Variants in PRLR observed in about 807,000 individuals in gnomAD.
PRLR encodes prolactin receptor.
PRLR carries 13 observed loss-of-function variants against 40.2 expected under a neutral mutation model. The observed-to-expected ratio is 0.32, with a 90% confidence interval of 0.21 to 0.51. The LOEUF is 0.51. PRLR is among the 20% of genes least tolerant of loss of function. PRLR has a pLI of 0.97. For synonymous variants in PRLR, 269 were observed against 278.7 expected (o/e 0.97, Z 0.35); for missense variants, 656 against 747.3 (o/e 0.88, Z 1.42).
chr5:35,156,966 C>T lies in PRLR; in HGVS notation c.-105-38844G>A, dbSNP rs189924998. On this transcript the variant is annotated intron_variant, in intron 1 of 9. Coordinates refer to ENST00000618457, the MANE Select transcript of PRLR (RefSeq NM_000949.7). Reference sequence around the variant, plus strand: ...CTATACTATTTCTCCCAGGATGTCTCGTTGCATCCTTAATTTAGCTCCTAA... The same window carrying T: ...CTATACTATTTCTCCCAGGATGTCTTGTTGCATCCTTAATTTAGCTCCTAA... Among the ~76,000 whole-genome samples, 12 of 152,104 alleles carry T rather than the reference C, an allele frequency of 7.9e-5. No homozygotes were observed. The East Asian group carries it at 9.9e-4, about 12-fold the overall frequency.
At chr5:35,157,257 A>T (rs1009728197) in intron 1 of PRLR, among the ~76,000 whole-genome samples, 20 of 152,114 alleles carry the variant, frequency 1.3e-4, no homozygotes, top group Non-Finnish European at 2.6e-4. Flanking sequence ...TGAAATATGC[A>T]CTTCTTACCA....
chr5:35,049,053 G>A (rs1206635897), exon 9 of PRLR: 2 of 629,082 alleles, frequency 3.2e-6, no homozygotes, highest in Non-Finnish European at 5.9e-6. Flanking sequence ...GAGGGAGTAT[G>A]TTACATTCAA....
At position 35,075,931 on chromosome 5, in the gene PRLR, T is replaced by C. The variant is rs1770063014; in HGVS notation, c.374-3187A>G. On this transcript the variant is annotated intron_variant, in intron 5 of 9. Coordinates refer to ENST00000618457, the MANE Select transcript of PRLR (RefSeq NM_000949.7). ...TGGTGATACCCAGGCAAACAGGGTC[T>C]GGAGTGGACCTCCAACAAACTCCAA... Among the ~76,000 whole-genome samples, 3 of 152,332 alleles carry C rather than the reference T, an allele frequency of 2.0e-5. No homozygotes were observed. The South Asian group carries it at 6.2e-4, about 32-fold the overall frequency.
At chr5:35,167,763 G>T (rs1435445500) in intron 1 of PRLR, among the ~76,000 whole-genome samples, 2 of 151,992 alleles carry the variant, frequency 1.3e-5, no homozygotes, top group Non-Finnish European at 1.5e-5. Flanking sequence ...TAATCCCTGG[G>T]TTAGCACTAG....
chr5:35,077,603 T>C (rs1252694927), intron 5 of PRLR, among the ~76,000 whole-genome samples: 1 of 152,148 alleles, frequency 6.6e-6, no homozygotes, highest in African/African-American at 2.4e-5. Flanking sequence ...ACAATAATAA[T>C]GGGAGACTTT....
chr5:35,107,772 T>A (rs1466951901), intron 2 of PRLR, among the ~76,000 whole-genome samples: 2 of 152,112 alleles, frequency 1.3e-5, no homozygotes, highest in Non-Finnish European at 2.9e-5. Context: ...AGCAGACGGA[T>A]TCACAGCCGA....
chr5:35,105,800 C>T (rs1333402821), intron 2 of PRLR, among the ~76,000 whole-genome samples: 4 of 152,232 alleles, frequency 2.6e-5, no homozygotes, highest in African/African-American at 4.8e-5. Context: ...GGAAAACACT[C>T]TGCAGGATAT....
downstream of PRLR, among the ~76,000 whole-genome samples, chr5:35,055,407 G>GA (rs556551924): frequency 3.3e-4 from 50 of 152,074 alleles, no homozygotes; most frequent in Non-Finnish European, 6.8e-4. Flanking sequence ...AAAGACTGGG[G>GA]AAATGTGTGT....
chr5:35,053,711 G>A (rs1457350405), downstream of PRLR, among the ~76,000 whole-genome samples: 1 of 152,152 alleles, frequency 6.6e-6, no homozygotes, highest in Admixed American at 6.5e-5. Flanking sequence ...TCAAGATTAG[G>A]AGGCACAATA....
At chr5:35,198,520 C>T (rs1775797055) in intron 1 of PRLR, among the ~76,000 whole-genome samples, 1 of 152,200 alleles carries the variant, frequency 6.6e-6, no homozygotes, top group Non-Finnish European at 1.5e-5. Flanking sequence ...CTTTGCCTCT[C>T]TCTTTCCTCA....
intron 6 of PRLR, among the ~76,000 whole-genome samples, chr5:35,071,549 G>A (rs1336415332): frequency 6.6e-6 from 1 of 152,016 alleles, no homozygotes; most frequent in African/African-American, 2.4e-5. Flanking sequence ...TGTACCACCT[G>A]CAATTTAATA....
In PRLR at chr5:35,068,857, G is replaced by A; in HGVS notation, c.707C>T (p.Thr236Ile). The A allele has an allele frequency of 6.2e-7, 1 of 1,612,254 alleles. No individual in the cohort carries two copies. Among genetic ancestry groups the A allele is most frequent in the Non-Finnish European group, 8.5e-7 (1 of 1,178,454 alleles). ...AAGGACAGCCACAGAGATCCACACG[G>A]TTGTATCATTCATGGTGAAGTCTAA... ...IPSDFTMNDT[T>I]VWISVAVLSA... The change falls in exon 8 of 10, where the codon ACC becomes ATC. Residue 236 changes from threonine to isoleucine, a missense_variant. Coordinates refer to ENST00000618457, the MANE Select transcript of PRLR (RefSeq NM_000949.7).
intron 1 of PRLR, among the ~76,000 whole-genome samples, chr5:35,211,112 G>C (rs1020568732): frequency 1.3e-5 from 2 of 152,104 alleles, no homozygotes; most frequent in Non-Finnish European, 2.9e-5. Context: ...GCTTAACTGC[G>C]GTTACAATTA....
At chr5:35,111,212 C>A (rs1225273611) in intron 2 of PRLR, among the ~76,000 whole-genome samples, 1 of 152,058 alleles carries the variant, frequency 6.6e-6, no homozygotes, top group African/African-American at 2.4e-5. Flanking sequence ...GGAGGTAATG[C>A]CTTTTCCATC....
intron 1 of PRLR, among the ~76,000 whole-genome samples, chr5:35,208,735 T>A (rs2111633001): frequency 6.6e-6 from 1 of 152,260 alleles, no homozygotes; most frequent in African/African-American, 2.4e-5. Context: ...TGAAAAGGGT[T>A]TATTTTTTAA....
At position 35,064,948 on chromosome 5, in the gene PRLR, C is replaced by G; in HGVS notation, c.*141G>C. On this transcript the variant is annotated 3_prime_UTR_variant, in exon 10 of 10. Transcript: ENST00000618457. ...TGGAATCAGCTGCTGGAGAAAGAGG[C>G]AAGTGGTTAAAAATGGAGCATGAAA... The G allele has an allele frequency of 2.3e-6, 2 of 861,808 alleles. No homozygotes were observed. The highest frequency in any genetic ancestry group is 2.9e-4 in the Middle Eastern group (1 of 3,420). 53.4% of individuals were successfully genotyped at this position (861,808 alleles called of 1,614,324 possible). A position where few individuals can be genotyped will look rare whatever the true frequency, so the allele number is the denominator to read the frequency against.
intron 1 of PRLR, among the ~76,000 whole-genome samples, chr5:35,186,612 G>A (rs1178380425): frequency 6.6e-6 from 1 of 152,148 alleles, no homozygotes; most frequent in Non-Finnish European, 1.5e-5. Flanking sequence ...GTGTTCTGGT[G>A]CACCTGGCCC....
At chr5:35,224,695 C>T (rs572557289) in intron 1 of PRLR, among the ~76,000 whole-genome samples, 1 of 148,062 alleles carries the variant, frequency 6.8e-6, no homozygotes, top group Non-Finnish European at 1.5e-5. Flanking sequence ...CAACACCAAA[C>T]TTACTACAGG....
chr5:35,186,911 G>C (rs1775451871), intron 1 of PRLR, among the ~76,000 whole-genome samples: 1 of 152,158 alleles, frequency 6.6e-6, no homozygotes, highest in African/African-American at 2.4e-5. Context: ...CTCTTGCTGG[G>C]TGGGGTTGGT....
Sources: allele counts gnomAD v4.1 joint callset (sites outside exome capture counted in the v4.1 genomes callset), GRCh38; gene constraint gnomAD v4.1.1; transcripts MANE v1.5; gene names NCBI Gene and HGNC (gene_info 2026-07-23, HGNC 2026-07-21).